Variants in VPS8 observed in about 807,000 individuals in gnomAD.
The protein encoded by VPS8 is vacuolar protein sorting-associated protein 8 homolog.
A neutral mutation model predicts 216.4 loss-of-function variants in VPS8; 129 were observed. The observed-to-expected ratio is 0.60, with a 90% CI of 0.52 to 0.69. The LOEUF is 0.69. VPS8 is among the 30% of genes least tolerant of loss of function. The pLI is 0.00. For synonymous variants in VPS8, 571 were observed against 565.4 expected (o/e 1.01, Z -0.14); for missense variants, 1,531 against 1,683.5 (o/e 0.91, Z 1.59).
chr3:185,033,340 A>T (rs1358365243), intron 46 of VPS8, among the ~76,000 whole-genome samples: 1 of 152,146 alleles, frequency 6.6e-6, no homozygotes, highest in Admixed American at 6.5e-5. Context: ...TACTATATCC[A>T]TAGTTTTGCC....
Position 184,862,910 on chromosome 3 carries a change from G to A in VPS8, c.1238G>A (p.Arg413His), listed in dbSNP as rs377718593. ...CTTGAATTACAGTGGATAAATTCACGCACAGTTGTGCTCTTAGACAGCGTA... is the reference window on the plus strand; with the variant it reads ...CTTGAATTACAGTGGATAAATTCACACACAGTTGTGCTCTTAGACAGCGTA... Reference protein sequence around the residue: ...DLINFTWINSRTVVLLDSVEK... With the variant: ...DLINFTWINSHTVVLLDSVEK... The change falls in exon 16 of 48, where the codon CGC becomes CAC. Residue 413 changes from arginine to histidine, a missense_variant. Arg to His is a conservative substitution (Grantham distance 29). Around this residue, in one of 3 missense-constraint regions of VPS8, gnomAD observed 1,318 missense variants for 1,468.4 expected, o/e 0.90. Transcript: ENST00000625842. The A allele has an allele frequency of 2.5e-5, 40 of 1,611,188 alleles. No homozygotes were observed. The highest frequency in any genetic ancestry group is 3.3e-5 in the Non-Finnish European group (39 of 1,178,448).
At chr3:184,903,187 A>G (rs1243496530) in intron 25 of VPS8, among the ~76,000 whole-genome samples, 1 of 152,178 alleles carries the variant, frequency 6.6e-6, no homozygotes, top group Non-Finnish European at 1.5e-5. Context: ...TGCTTATTGT[A>G]ACTTCATAGT....
intron 3 of VPS8, 57 bp from the exon 4 acceptor site, chr3:184,832,632 C>T (rs1032839827): frequency 6.0e-6 from 9 of 1,495,114 alleles, no homozygotes; most frequent in Non-Finnish European, 7.2e-6. Flanking sequence ...TAATGCCTGA[C>T]TCATTTCATA....
At chr3:184,819,837 T>A (rs1717167273) in intron 1 of VPS8, among the ~76,000 whole-genome samples, 1 of 151,896 alleles carries the variant, frequency 6.6e-6, no homozygotes, top group East Asian at 1.9e-4. Flanking sequence ...CATTAACAGT[T>A]GTTTAACACA....
chr3:184,920,020 T>C (rs1578244023), intron 28 of VPS8, 107 bp from the exon 29 acceptor site: 8 of 809,816 alleles, frequency 9.9e-6, no homozygotes, highest in Middle Eastern at 3.7e-4. Flanking sequence ...GGAATAGTTA[T>C]CTTATTTGAG....
chr3:184,954,795 TAAA>T (rs1183241864), intron 36 of VPS8, among the ~76,000 whole-genome samples: 1 of 152,188 alleles, frequency 6.6e-6, no homozygotes, highest in Non-Finnish European at 1.5e-5. Flanking sequence ...TTCAGTATAA[TAAA>T]GAAAATAGTT....
At chr3:184,942,784 A>T (rs1742974815) in intron 36 of VPS8, among the ~76,000 whole-genome samples, 1 of 152,230 alleles carries the variant, frequency 6.6e-6, no homozygotes, top group African/African-American at 2.4e-5. Flanking sequence ...AATCATTTTT[A>T]TGTAAAGAAC....
intron 18 of VPS8, among the ~76,000 whole-genome samples, chr3:184,868,632 T>A (rs1727793978): frequency 6.6e-6 from 1 of 152,174 alleles, no homozygotes. Flanking sequence ...TCAAATAAGC[T>A]TGGGGTTTGT....
intron 2 of VPS8, chr3:184,825,177 A>G (rs1378428187): frequency 4.8e-6 from 1 of 208,336 alleles, no homozygotes; most frequent in Non-Finnish European, 1.0e-5. Flanking sequence ...GTATAGTTTT[A>G]TGAGATAACA....
intron 39 of VPS8, among the ~76,000 whole-genome samples, chr3:184,970,510 AGGATAAAT>A (rs1748232165): frequency 6.6e-6 from 1 of 152,214 alleles, no homozygotes; most frequent in African/African-American, 2.4e-5. Flanking sequence ...AAAGACTTGA[AGGATAAAT>A]AGGAGTTTGA....
At chr3:184,991,795 G>T (rs965091268) in intron 42 of VPS8, among the ~76,000 whole-genome samples, 1 of 152,106 alleles carries the variant, frequency 6.6e-6, no homozygotes, top group South Asian at 2.1e-4. Context: ...TGTGCAGTGG[G>T]TATATGGCTT....
chr3:185,004,938 G>A (rs1376122182), intron 45 of VPS8, among the ~76,000 whole-genome samples: 1 of 149,020 alleles, frequency 6.7e-6, no homozygotes, highest in African/African-American at 2.5e-5. Context: ...TTTTGCATTT[G>A]CTTTTGGGTT....
At chr3:184,898,506 A>AT in intron 23 of VPS8, 59 bp from the exon 24 acceptor site, 1 of 1,308,728 alleles carries the variant, frequency 7.6e-7, no homozygotes, top group Non-Finnish European at 1.1e-6. Flanking sequence ...TTCTTAAAGC[A>AT]TTAAGGAAAA....
At chr3:184,816,970 A>G (rs1257726341) in intron 1 of VPS8, among the ~76,000 whole-genome samples, 1 of 152,186 alleles carries the variant, frequency 6.6e-6, no homozygotes, top group African/African-American at 2.4e-5. Flanking sequence ...AATAGATGAA[A>G]TCCTGCAAAT....
Position 184,925,115 on chromosome 3 carries a change from A to T in VPS8, c.2574+134A>T, listed in dbSNP as rs1739346177. 9 of 1,261,916 alleles carry T rather than the reference A, an allele frequency of 7.1e-6. No individual in the cohort carries two copies. The African/African-American group carries it at 1.4e-4, about 19-fold the overall frequency. The allele number at this position is 1,261,916 out of a possible 1,614,324, so 78.2% of individuals were successfully genotyped here. Reference sequence around the variant, plus strand: ...AAGGAGAGGCCTGTTCAGGTTTTGGATCTAAGTTAGGGGGGTATGTGTATA... The same window carrying T: ...AAGGAGAGGCCTGTTCAGGTTTTGGTTCTAAGTTAGGGGGGTATGTGTATA... On this transcript the variant is annotated intron_variant, in intron 30 of 47. Coordinates refer to ENST00000625842, the MANE Select transcript of VPS8 (RefSeq NM_001009921.3).
At chr3:184,928,715 T>C (rs1740132698) in intron 32 of VPS8, among the ~76,000 whole-genome samples, 182 bp downstream of exon 32, 1 of 152,236 alleles carries the variant, frequency 6.6e-6, no homozygotes, top group Non-Finnish European at 1.5e-5. Context: ...TAGTAAAATT[T>C]GCAGAAATTG....
intron 4 of VPS8, 119 bp from the exon 5 acceptor site, chr3:184,834,529 CA>C: frequency 2.7e-6 from 2 of 733,878 alleles, no homozygotes; most frequent in South Asian, 4.3e-5. Flanking sequence ...ACAGATCTAA[CA>C]AATTACATAC....
At chr3:184,901,262 G>T in intron 25 of VPS8, 2 of 314,390 alleles carry the variant, frequency 6.4e-6, no homozygotes, top group Non-Finnish European at 1.2e-5. Flanking sequence ...TGTAACCTTT[G>T]GTGTTTTATT....
At chr3:184,945,644 C>T (rs1365835015) in intron 36 of VPS8, among the ~76,000 whole-genome samples, 1 of 152,160 alleles carries the variant, frequency 6.6e-6, no homozygotes, top group Non-Finnish European at 1.5e-5. Flanking sequence ...AGGCACTCAA[C>T]ATCCCTCCTC....
Sources: gnomAD v4.1 joint callset for allele counts (sites outside exome capture counted in the v4.1 genomes callset) on GRCh38, gnomAD v4.1.1 for gene constraint, gnomAD v4.1.1 regional missense constraint, MANE v1.5 for transcripts, NCBI Gene and HGNC (gene_info 2026-07-23, HGNC 2026-07-21) for gene names.